The following XRCC4 variants were observed in gnomAD, a reference collection of about 807,000 sequenced individuals.
XRCC4 encodes DNA repair protein XRCC4.
Under a neutral mutation model 39.1 loss-of-function variants are expected in XRCC4, and 28 were observed. The ratio of observed to expected loss-of-function variants is 0.72; its 90% confidence interval spans 0.53 to 0.98. The LOEUF is 0.98. Ranked by LOEUF, XRCC4 falls within the 50% of genes least tolerant of loss-of-function variation. The probability of loss-of-function intolerance (pLI) is 0.00; values close to 1 mark genes in which losing one functional copy is unlikely to be tolerated. For synonymous variants in XRCC4, 123 were observed against 126.4 expected (o/e 0.97, Z 0.18); for missense variants, 350 against 376.4 (o/e 0.93, Z 0.58).
chr5:83,243,725 C>A (rs1199090306), intron 6 of XRCC4, among the ~76,000 whole-genome samples: 1 of 151,992 alleles, frequency 6.6e-6, no homozygotes, highest in African/African-American at 2.4e-5. Flanking sequence ...GAAAAAGATA[C>A]CAGAAGGGAG....
rs376967185 is a variant in XRCC4, at chr5:83,190,335, T to C, written c.316-5435T>C. Among the ~76,000 whole-genome samples, 9 of 152,290 alleles carry C rather than the reference T, an allele frequency of 5.9e-5. No homozygotes were observed. The South Asian group carries it at 1.9e-3, about 32-fold the overall frequency. On this transcript the variant is annotated intron_variant, in intron 3 of 7. Coordinates refer to ENST00000396027, the MANE Select transcript of XRCC4 (RefSeq NM_003401.5). ...GTGTATATATCTACAATAGACAATATTCTGCATTATAAACTGTAATGGATA... is the reference window on the plus strand; with the variant it reads ...GTGTATATATCTACAATAGACAATACTCTGCATTATAAACTGTAATGGATA...
At chr5:83,103,506 G>T (rs1746052102) in intron 1 of XRCC4, among the ~76,000 whole-genome samples, 1 of 152,046 alleles carries the variant, frequency 6.6e-6, no homozygotes, top group Non-Finnish European at 1.5e-5. Flanking sequence ...AAAAATATTT[G>T]CTGTGTAGCA....
the XRCC4 span, among the ~76,000 whole-genome samples, chr5:83,364,395 C>G: frequency 5.3e-5 from 8 of 151,954 alleles, no homozygotes; most frequent in Non-Finnish European, 1.2e-4. Context: ...CTTTTTCCAC[C>G]TCCCTGATGA....
At chr5:83,370,059 A>C in the XRCC4 span, among the ~76,000 whole-genome samples, 1 of 152,104 alleles carries the variant, frequency 6.6e-6, no homozygotes, top group Non-Finnish European at 1.5e-5. Flanking sequence ...TGCTAACCCA[A>C]ACCTAGACTA....
intron 7 of XRCC4, among the ~76,000 whole-genome samples, chr5:83,311,852 T>G (rs1443797943): frequency 1.3e-5 from 2 of 152,084 alleles, no homozygotes; most frequent in Non-Finnish European, 2.9e-5. Flanking sequence ...TATTAAATAT[T>G]CAATATAATA....
chr5:83,305,288 T>A (rs954575481), intron 7 of XRCC4, among the ~76,000 whole-genome samples: 2 of 140,604 alleles, frequency 1.4e-5, no homozygotes, highest in African/African-American at 3.2e-5. Flanking sequence ...TAACTTCAGG[T>A]TTTTTTTTGT....
intron 6 of XRCC4, among the ~76,000 whole-genome samples, chr5:83,213,023 C>T (rs763227911): frequency 1.0e-4 from 15 of 147,992 alleles, no homozygotes; most frequent in Non-Finnish European, 1.8e-4. Flanking sequence ...GAGGGAGACA[C>T]TTATAGGACA....
At chr5:83,125,306 T>A (rs1241803941) in intron 3 of XRCC4, among the ~76,000 whole-genome samples, 1 of 152,234 alleles carries the variant, frequency 6.6e-6, no homozygotes, top group Non-Finnish European at 1.5e-5. Flanking sequence ...TTGTGGACTA[T>A]TTTTCTTCTA....
intron 6 of XRCC4, 58 bp downstream of exon 6, chr5:83,204,979 TAA>T: frequency 8.5e-7 from 1 of 1,172,882 alleles, no homozygotes. Context: ...CTTCTTATTC[TAA>T]TGACAAGAAA....
At chr5:83,238,303 A>G (rs900167884) in intron 6 of XRCC4, among the ~76,000 whole-genome samples, 1 of 152,204 alleles carries the variant, frequency 6.6e-6, no homozygotes, top group Non-Finnish European at 1.5e-5. Flanking sequence ...CTTATTACCT[A>G]CTAGTGGCAG....
chr5:83,081,185 G>A (rs1478486), intron 1 of XRCC4, among the ~76,000 whole-genome samples: 63,759 of 151,928 alleles, frequency 0.42, 13,722 homozygotes, highest in South Asian at 0.54. Context: ...TATTGCATTT[G>A]TATCACCAGA....
At chr5:83,344,042 A>G (rs1756841706) in intron 7 of XRCC4, among the ~76,000 whole-genome samples, 1 of 152,018 alleles carries the variant, frequency 6.6e-6, no homozygotes, top group Admixed American at 6.6e-5. Context: ...AAGAGAAATA[A>G]TAAGATCCAG....
intron 3 of XRCC4, among the ~76,000 whole-genome samples, chr5:83,134,687 C>G (rs1427557106): frequency 6.6e-6 from 1 of 152,206 alleles, no homozygotes; most frequent in Non-Finnish European, 1.5e-5. Flanking sequence ...CAGCAACTCA[C>G]TCGGGTACCC....
rs16900252 is a variant in XRCC4 at position 83,238,362 on chromosome 5, G to C, written c.746-20168G>C. On this transcript the variant is annotated intron_variant, in intron 6 of 7. Transcript: ENST00000396027. ...TCCTTAATGAATGCTTTTGATTTTGGGAAAAGATCTGTCAGGCTTCAGAGA... is the reference window on the plus strand; with the variant it reads ...TCCTTAATGAATGCTTTTGATTTTGCGAAAAGATCTGTCAGGCTTCAGAGA... 4.5e-3 allele frequency among the ~76,000 whole-genome samples: 678 copies of C among 152,192 alleles called. 2 individuals carry two copies. The highest frequency in any genetic ancestry group is 0.016 in the African/African-American group (647 of 41,518).
the XRCC4 span, among the ~76,000 whole-genome samples, chr5:83,361,559 T>C: frequency 5.9e-5 from 9 of 152,182 alleles, no homozygotes; most frequent in African/African-American, 2.2e-4. Context: ...GAAAGCTGTT[T>C]ATCCCAAAGA....
At chr5:83,169,811 G>C (rs749895160) in intron 3 of XRCC4, among the ~76,000 whole-genome samples, 8 of 152,158 alleles carry the variant, frequency 5.3e-5, no homozygotes, top group Non-Finnish European at 1.0e-4. Flanking sequence ...TAAACAGGCT[G>C]TGTGTTTATT....
chr5:83,333,664 G>A (rs1209423840), intron 7 of XRCC4, among the ~76,000 whole-genome samples: 4 of 151,954 alleles, frequency 2.6e-5, no homozygotes, highest in African/African-American at 9.7e-5. Flanking sequence ...TGGCAAGGAA[G>A]GGGGACAGTG....
chr5:83,318,406 A>T (rs1220663480), intron 7 of XRCC4, among the ~76,000 whole-genome samples: 1 of 124,502 alleles, frequency 8.0e-6, no homozygotes, highest in Non-Finnish European at 1.5e-5. Context: ...GAAAAGAGGA[A>T]GTCAAATTGT....
chr5:83,326,097 T>G (rs913629276), intron 7 of XRCC4, among the ~76,000 whole-genome samples: 28 of 152,246 alleles, frequency 1.8e-4, no homozygotes, highest in African/African-American at 6.3e-4. Context: ...TTTAATGGGC[T>G]TGTTTGTTTC....
Sources: gnomAD v4.1 joint callset for allele counts (sites outside exome capture counted in the v4.1 genomes callset) on GRCh38, gnomAD v4.1.1 for gene constraint, MANE v1.5 for transcripts, NCBI Gene and HGNC (gene_info 2026-07-23, HGNC 2026-07-21) for gene names.